RUNX1T1: variants seen among roughly 807,000 people sequenced by gnomAD.
RUNX1T1 encodes the protein RUNX1 partner transcriptional co-repressor 1.
RUNX1T1 carries 4 observed loss-of-function variants against 62.8 expected under a neutral mutation model. The observed-to-expected ratio is 0.06, with a 90% CI of 0.03 to 0.15. RUNX1T1 has a LOEUF of 0.15. Ranked by LOEUF, RUNX1T1 falls within the 10% of genes least tolerant of loss-of-function variation. The probability of loss-of-function intolerance (pLI) is 1.00; values close to 1 mark genes in which losing one functional copy is unlikely to be tolerated. For synonymous variants in RUNX1T1, 291 were observed against 286.0 expected, an observed-to-expected ratio of 1.02 and a Z score of -0.18; for missense variants, 508 against 754.3, an observed-to-expected ratio of 0.67 and a Z score of 3.82.
In RUNX1T1 at chr8:91,991,065, C is replaced by G. The variant is rs566793771; in HGVS notation, c.910+574G>C. ...CTTCTTCAGTATTCTGATCCTTGAC[C>G]CAAAACTGTCAATATTAACTTTAAT... On this transcript the variant is annotated intron_variant, in intron 6 of 10. Coordinates refer to ENST00000396218, the Ensembl canonical transcript of RUNX1T1. Among the ~76,000 whole-genome samples, 5 of 152,210 alleles carry G rather than the reference C, an allele frequency of 3.3e-5. No homozygotes were observed. In the South Asian group the frequency reaches 1.0e-3, roughly 32 times the overall value.
intron 1 of RUNX1T1, among the ~76,000 whole-genome samples, chr8:92,088,386 G>A (rs972515687): frequency 1.3e-5 from 2 of 152,152 alleles, no homozygotes; most frequent in African/African-American, 2.4e-5. Context: ...TTAGGGAAAG[G>A]GGTATAGTAC....
chr8:91,962,276 A>AAAAAG (rs113070245), intron 10 of RUNX1T1, among the ~76,000 whole-genome samples: 9,114 of 152,240 alleles, frequency 0.06, 891 homozygotes, highest in African/African-American at 0.21. Context: ...AACAGAAATA[A>AAAAAG]AAAAGAAATT....
chr8:92,012,772 C>G (rs1239522391), intron 3 of RUNX1T1, among the ~76,000 whole-genome samples: 1 of 151,368 alleles, frequency 6.6e-6, no homozygotes, highest in Non-Finnish European at 1.5e-5. Context: ...AAAAATCACT[C>G]TCTCAAATGG....
At chr8:92,101,591 G>C (rs1311723625), upstream of RUNX1T1, among the ~76,000 whole-genome samples, 2 of 152,164 alleles carry the variant, frequency 1.3e-5, no homozygotes, top group Non-Finnish European at 2.9e-5. Context: ...GAGACCATGG[G>C]CTGCACGGCC....
chr8:92,069,762 A>G (rs1410769104), intron 2 of RUNX1T1, among the ~76,000 whole-genome samples: 1 of 152,202 alleles, frequency 6.6e-6, no homozygotes, highest in East Asian at 1.9e-4. Flanking sequence ...ACACTCAAGA[A>G]TGGTTAAAGC....
chr8:92,087,772 T>C (rs1836363111), intron 1 of RUNX1T1, among the ~76,000 whole-genome samples: 1 of 152,220 alleles, frequency 6.6e-6, no homozygotes. Flanking sequence ...AAGGTGTCTT[T>C]ACCATGGCTA....
At chr8:92,102,843 CCG>C (rs1467004405), upstream of RUNX1T1, 2 of 1,514,446 alleles carry the variant, frequency 1.3e-6, no homozygotes. This position sits in a 1 kb window ranked among gnomAD's most constrained non-coding sequence, Gnocchi z 4.5. Flanking sequence ...CCAAGCCCTA[CCG>C]CGGACACTTA....
intron 1 of RUNX1T1, among the ~76,000 whole-genome samples, chr8:92,084,301 G>A (rs1259953098): frequency 6.7e-6 from 1 of 149,894 alleles, no homozygotes; most frequent in Admixed American, 6.7e-5. Context: ...AGGAGGTGGG[G>A]GTGGGGGTGG....
chr8:91,973,587 T>C (rs1813302589), intron 9 of RUNX1T1, among the ~76,000 whole-genome samples: 2 of 152,062 alleles, frequency 1.3e-5, no homozygotes, highest in Non-Finnish European at 2.9e-5. Flanking sequence ...ATAATTTCAT[T>C]GCAAAGACAC....
Position 92,017,207 on chromosome 8 carries a change from GC to G in RUNX1T1, c.145+18del. 1.3e-6 allele frequency: 2 copies of G among 1,510,834 alleles called. No individual in the cohort carries two copies. Among genetic ancestry groups the G allele is most frequent in the Middle Eastern group, 1.7e-4 (1 of 5,724 alleles). The allele number at this position is 1,510,834 out of a possible 1,614,324, so 93.6% of individuals were successfully genotyped here. The stretch of plus-strand genomic sequence containing the variant: ...TAAACTTTAAAACTGAAACTCAAAA[GC>G]CTGAAATGACTACTTACACGTTGTC... On this transcript the variant is annotated intron_variant, in intron 2 of 10. Coordinates refer to ENST00000396218, the Ensembl canonical transcript of RUNX1T1.
At chr8:92,029,963 C>T (rs1314598169) in intron 1 of RUNX1T1, among the ~76,000 whole-genome samples, 2 of 152,140 alleles carry the variant, frequency 1.3e-5, no homozygotes, top group Non-Finnish European at 1.5e-5. Flanking sequence ...TCAAGTCATT[C>T]CCCTATTTAA....
intron 10 of RUNX1T1, among the ~76,000 whole-genome samples, chr8:91,969,035 G>T (rs1812223000): frequency 6.6e-6 from 1 of 151,504 alleles, no homozygotes; most frequent in Non-Finnish European, 1.5e-5. Flanking sequence ...TGAAGACACT[G>T]GTAATGCTAT....
At chr8:92,072,340 T>G (rs529844013) in intron 2 of RUNX1T1, among the ~76,000 whole-genome samples, 1 of 152,302 alleles carries the variant, frequency 6.6e-6, no homozygotes, top group African/African-American at 2.4e-5. Context: ...ACCAAAAATT[T>G]TATTTAAACA....
chr8:91,980,100 C>T (rs777763829), intron 8 of RUNX1T1, among the ~76,000 whole-genome samples: 1 of 152,120 alleles, frequency 6.6e-6, no homozygotes, highest in Non-Finnish European at 1.5e-5. Flanking sequence ...AACCTAGAAG[C>T]TAGCAACTGC....
intron 1 of RUNX1T1, chr8:92,081,178 A>T: frequency 8.3e-6 from 4 of 484,568 alleles, no homozygotes; most frequent in Non-Finnish European, 1.1e-5. Flanking sequence ...AAAGTAAGAT[A>T]ATAACACCTA....
intron 2 of RUNX1T1, among the ~76,000 whole-genome samples, chr8:92,075,245 T>C (rs1042438952): frequency 6.6e-6 from 1 of 152,228 alleles, no homozygotes; most frequent in Non-Finnish European, 1.5e-5. Flanking sequence ...TGGATCCTTA[T>C]GCCCTGGTGC....
upstream of RUNX1T1, chr8:92,102,974 C>T (rs1838110589): frequency 7.0e-7 from 1 of 1,419,228 alleles, no homozygotes; most frequent in Non-Finnish European, 9.3e-7. This position sits in a 1 kb window ranked among gnomAD's most constrained non-coding sequence, Gnocchi z 4.5. Flanking sequence ...CGGCTTCCCT[C>T]GCGAGGCCAG....
At chr8:92,007,984 A>AAAAAG (rs1821125337) in intron 4 of RUNX1T1, among the ~76,000 whole-genome samples, 1 of 150,316 alleles carries the variant, frequency 6.7e-6, no homozygotes. Context: ...AAAAAAAAAA[A>AAAAAG]AAAGAAAGAA....
downstream of RUNX1T1, chr8:91,958,856 G>C (rs1288812847): frequency 5.3e-6 from 1 of 189,464 alleles, no homozygotes; most frequent in Admixed American, 6.2e-5. Context: ...CTGGTTTTCA[G>C]GAAAAAAAAA....
Sources: allele counts gnomAD v4.1 joint callset (sites outside exome capture counted in the v4.1 genomes callset), GRCh38; gene constraint gnomAD v4.1.1; non-coding constraint Gnocchi (gnomAD v3.1); transcripts MANE v1.5; gene names NCBI Gene and HGNC (gene_info 2026-07-23, HGNC 2026-07-21).